The following DISC1 variants were observed in gnomAD, a reference collection of about 807,000 sequenced individuals.
DISC1 encodes DISC1 scaffold protein, also known as disrupted in schizophrenia 1 protein.
Under a neutral mutation model 84.5 loss-of-function variants are expected in DISC1, and 57 were observed. The observed-to-expected ratio is 0.67, with a 90% CI of 0.55 to 0.84. The LOEUF is 0.84. Among genes scored for constraint, DISC1 ranks in the 40% least tolerant of loss-of-function variants. The pLI is 0.00. For synonymous variants in DISC1, 411 were observed against 415.2 expected (o/e 0.99, Z 0.12); for missense variants, 1,000 against 1,057.8 (o/e 0.95, Z 0.76).
At chr1:231,769,773 A>G (rs2076416647) in intron 5 of DISC1, among the ~76,000 whole-genome samples, 1 of 152,214 alleles carries the variant, frequency 6.6e-6, no homozygotes, top group African/African-American at 2.4e-5. Flanking sequence ...ATTTTATGCT[A>G]TGTGTGTTTT....
intron 9 of DISC1, among the ~76,000 whole-genome samples, chr1:231,834,058 G>A (rs1015429616): frequency 6.6e-6 from 1 of 152,134 alleles, no homozygotes; most frequent in Non-Finnish European, 1.5e-5. Context: ...TGCTGAAAAA[G>A]AGCCTAAACA....
At chr1:231,887,081 C>T (rs1466284171) in intron 9 of DISC1, among the ~76,000 whole-genome samples, 3 of 151,882 alleles carry the variant, frequency 2.0e-5, no homozygotes, top group Non-Finnish European at 4.4e-5. Flanking sequence ...AGGATGGTCT[C>T]GATCTCTTGA....
intron 9 of DISC1, among the ~76,000 whole-genome samples, chr1:231,856,309 C>T (rs1032659792): frequency 1.3e-5 from 2 of 151,932 alleles, no homozygotes; most frequent in African/African-American, 4.8e-5. Context: ...AGCATAAGAG[C>T]AGTTAATCAT....
At chr1:231,693,211 A>G (rs183277626) in intron 1 of DISC1, among the ~76,000 whole-genome samples, 3 of 152,266 alleles carry the variant, frequency 2.0e-5, no homozygotes. Flanking sequence ...CATAGCTGGG[A>G]AGGGAATGCA....
chr1:231,812,722 A>G (rs551383282), intron 8 of DISC1, among the ~76,000 whole-genome samples: 1 of 152,278 alleles, frequency 6.6e-6, no homozygotes, highest in South Asian at 2.1e-4. Flanking sequence ...TGTGAAAGTT[A>G]TGAAGATTCA....
intron 9 of DISC1, among the ~76,000 whole-genome samples, chr1:231,951,751 C>A (rs1326114507): frequency 5.3e-5 from 8 of 152,114 alleles, no homozygotes; most frequent in African/African-American, 1.9e-4. Flanking sequence ...AACATGGAAT[C>A]TGGCATGTGT....
At chr1:231,883,522 A>T (rs1394588878) in intron 9 of DISC1, among the ~76,000 whole-genome samples, 4 of 152,134 alleles carry the variant, frequency 2.6e-5, no homozygotes, top group African/African-American at 9.7e-5. Flanking sequence ...TGGGTCCCAC[A>T]TGAGGAGTCT....
intron 5 of DISC1, among the ~76,000 whole-genome samples, chr1:231,769,813 T>C (rs954634756): frequency 2.0e-5 from 3 of 151,724 alleles, no homozygotes; most frequent in Non-Finnish European, 2.9e-5. Flanking sequence ...GAAAAAGAAA[T>C]GAATAGGGTA....
chr1:231,718,048 C>T (rs756968763), intron 3 of DISC1, among the ~76,000 whole-genome samples: 1 of 152,116 alleles, frequency 6.6e-6, no homozygotes, highest in African/African-American at 2.4e-5. Context: ...TCATTGTGGA[C>T]TTTCAGCTCT....
intron 9 of DISC1, among the ~76,000 whole-genome samples, chr1:231,839,662 A>G (rs760934626): frequency 1.2e-4 from 19 of 152,208 alleles, no homozygotes; most frequent in Non-Finnish European, 2.2e-4. Flanking sequence ...CTATCAAGGA[A>G]TACCTGAGAC....
At chr1:231,787,587 G>A (rs1226581215) in intron 6 of DISC1, among the ~76,000 whole-genome samples, 4 of 152,152 alleles carry the variant, frequency 2.6e-5, no homozygotes, top group Non-Finnish European at 4.4e-5. Context: ...TAAAGGTCCC[G>A]CCTCTCGACA....
At chr1:231,927,093 G>A (rs1218572913) in intron 9 of DISC1, among the ~76,000 whole-genome samples, 1 of 152,164 alleles carries the variant, frequency 6.6e-6, no homozygotes, top group Non-Finnish European at 1.5e-5. Context: ...TGATAGTATA[G>A]GGATTGTCCT....
At chr1:231,885,203 T>C (rs1192607209) in intron 9 of DISC1, among the ~76,000 whole-genome samples, 1 of 152,062 alleles carries the variant, frequency 6.6e-6, no homozygotes, top group Non-Finnish European at 1.5e-5. Flanking sequence ...TACGAAAAAA[T>C]GACAGGTGGG....
intron 1 of DISC1, among the ~76,000 whole-genome samples, chr1:231,670,013 C>CAT (rs2062436858): frequency 6.6e-6 from 1 of 151,972 alleles, no homozygotes; most frequent in African/African-American, 2.4e-5. Flanking sequence ...AAATGTGGTA[C>CAT]ATATATACCA....
chr1:231,797,350 T>C (rs1020725747), intron 7 of DISC1, among the ~76,000 whole-genome samples: 2 of 152,200 alleles, frequency 1.3e-5, no homozygotes, highest in Non-Finnish European at 2.9e-5. Context: ...TTGCATACAG[T>C]CCTACTCCAT....
At chr1:231,667,848 C>G (rs1228239660) in intron 1 of DISC1, among the ~76,000 whole-genome samples, 5 of 152,032 alleles carry the variant, frequency 3.3e-5, no homozygotes, top group Non-Finnish European at 7.4e-5. Context: ...GCCAATGTTA[C>G]TTATTTTTTC....
intron 5 of DISC1, among the ~76,000 whole-genome samples, chr1:231,769,815 A>G (rs183902780): frequency 1.1e-4 from 17 of 152,286 alleles, no homozygotes; most frequent in Admixed American, 2.6e-4. Context: ...AAAAGAAATG[A>G]ATAGGGTAGA....
intron 11 of DISC1, among the ~76,000 whole-genome samples, chr1:232,012,764 G>A (rs1365699822): frequency 1.3e-5 from 2 of 152,098 alleles, no homozygotes; most frequent in African/African-American, 2.4e-5. Context: ...GTCGTTGATC[G>A]ACACCTTCCT....
At position 231,826,144 on chromosome 1, in the gene DISC1, A is replaced by G. The variant is rs985216379; in HGVS notation, c.1981+7627A>G. ...ATCTCATCCTCTGGACCACTGTGGT[A>G]CTGGCTCCACTGGAATCTCTGTTTT... On this transcript the variant is annotated intron_variant, in intron 9 of 12. Transcript: ENST00000439617. This position sits in a 1 kb window ranked among gnomAD's most constrained non-coding sequence, Gnocchi z 4.2. 4.6e-5 allele frequency among the ~76,000 whole-genome samples: 7 copies of G among 152,196 alleles called. No homozygotes were observed. The highest frequency in any genetic ancestry group is 1.3e-4 in the Admixed American group (2 of 15,276).
Sources: gnomAD v4.1 joint callset for allele counts (sites outside exome capture counted in the v4.1 genomes callset) on GRCh38, gnomAD v4.1.1 for gene constraint, Gnocchi (gnomAD v3.1) non-coding constraint, MANE v1.5 for transcripts, NCBI Gene and HGNC (gene_info 2026-07-23, HGNC 2026-07-21) for gene names.